Variants in ABCC4 observed in about 807,000 individuals in gnomAD.
The protein encoded by ABCC4 is ATP-binding cassette sub-family C member 4.
ABCC4 carries 102 observed loss-of-function variants against 168.5 expected under a neutral mutation model. That is an observed-to-expected ratio of 0.61 (90% CI 0.52 to 0.71). ABCC4 has a LOEUF of 0.71. ABCC4 is among the 30% of genes least tolerant of loss of function. ABCC4 has a pLI of 0.00. For synonymous variants in ABCC4, 617 were observed against 590.7 expected (o/e 1.04, Z -0.65); for missense variants, 1,402 against 1,605.8 (o/e 0.87, Z 2.17).
chr13:95,058,715 C>A (rs1276541145), intron 26 of ABCC4, among the ~76,000 whole-genome samples: 1 of 152,002 alleles, frequency 6.6e-6, no homozygotes, highest in African/African-American at 2.4e-5. Context: ...GATTCTACTA[C>A]TTATTAGCTG....
intron 19 of ABCC4, among the ~76,000 whole-genome samples, chr13:95,123,424 A>G (rs1323225417): frequency 1.3e-5 from 2 of 152,094 alleles, no homozygotes; most frequent in Non-Finnish European, 2.9e-5. Context: ...GCACACTAGC[A>G]CGATCTCGGC....
intron 14 of ABCC4, among the ~76,000 whole-genome samples, chr13:95,167,557 C>G (rs1286531994): frequency 6.6e-6 from 1 of 152,162 alleles, no homozygotes; most frequent in South Asian, 2.1e-4. Flanking sequence ...ACCTTGGGCC[C>G]TTTGGACCAG....
chr13:95,107,641 T>C (rs928116940), intron 20 of ABCC4, among the ~76,000 whole-genome samples: 3 of 152,176 alleles, frequency 2.0e-5, no homozygotes, highest in Non-Finnish European at 4.4e-5. Context: ...TAGATAAAGA[T>C]ATAGGCTGGG....
At chr13:95,038,430 G>GA (rs1183337266) in intron 29 of ABCC4, among the ~76,000 whole-genome samples, 1 of 145,910 alleles carries the variant, frequency 6.9e-6, no homozygotes, top group Admixed American at 6.8e-5. Context: ...TAGAATGCCA[G>GA]AAAAAAGGCA....
In ABCC4 at chr13:95,071,838, T is replaced by C; in HGVS notation, c.3034A>G (p.Arg1012Gly). Residue 1012 changes from arginine to glycine, a missense_variant, in exon 25 of 31, where the codon AGG (arginine) becomes GGG (glycine). Physicochemically the swap from Arg to Gly is moderately radical, Grantham distance 125 (BLOSUM62 -2). Around this residue, in one of 3 missense-constraint regions of ABCC4, gnomAD observed 1,007 missense variants for 1,127.3 expected, o/e 0.89. Transcript: ENST00000645237. The stretch of plus-strand genomic sequence containing the variant: ...TCAAGGTCTGTGTATTCAATGACCC[T>C]TTCTACTGAGATCATCTGAAAGAAA... ...EVENMMISVE[R>G]VIEYTDLEKE... is the part of the protein sequence containing the mutation. 2 of 1,561,352 alleles carry C rather than the reference T, an allele frequency of 1.3e-6. No homozygotes were observed. Among genetic ancestry groups the C allele is most frequent in the Non-Finnish European group, 1.7e-6 (2 of 1,158,658 alleles).
chr13:95,277,449 C>A (rs556154809), intron 1 of ABCC4, among the ~76,000 whole-genome samples: 1 of 152,052 alleles, frequency 6.6e-6, no homozygotes, highest in Admixed American at 6.5e-5. Flanking sequence ...GGCATGGTGG[C>A]GGGCGCCTGT....
intron 19 of ABCC4, among the ~76,000 whole-genome samples, chr13:95,117,930 GA>G (rs1054742936): frequency 4.0e-5 from 6 of 151,568 alleles, no homozygotes; most frequent in African/African-American, 1.5e-4. Context: ...AAGAAAAGAA[GA>G]AAAAAAGATA....
In ABCC4 at chr13:95,241,741, C is replaced by T. The variant is rs750618247; in HGVS notation, c.306+5234G>A. ...CATTCCTCAACTCTGACAATCGTTCCTAATCTCACTTGCATTACTTTGAAA... is the reference window on the plus strand; with the variant it reads ...CATTCCTCAACTCTGACAATCGTTCTTAATCTCACTTGCATTACTTTGAAA... On this transcript the variant is annotated intron_variant, in intron 3 of 30. Coordinates refer to ENST00000645237, the MANE Select transcript of ABCC4 (RefSeq NM_005845.5). Among the ~76,000 whole-genome samples, 30 of 151,330 alleles carry T rather than the reference C, an allele frequency of 2.0e-4. 1 individual carries two copies. The highest frequency in any genetic ancestry group is 1.2e-4 in the Non-Finnish European group (8 of 67,414).
intron 11 of ABCC4, among the ~76,000 whole-genome samples, chr13:95,180,162 T>C (rs1278858610): frequency 2.6e-5 from 4 of 152,168 alleles, no homozygotes; most frequent in Admixed American, 6.5e-5. Flanking sequence ...TGGCATCAAA[T>C]GAAAGGTAGC....
intron 9 of ABCC4, among the ~76,000 whole-genome samples, chr13:95,189,687 A>ATT (rs958639727): frequency 6.6e-5 from 10 of 152,210 alleles, no homozygotes; most frequent in Non-Finnish European, 1.3e-4. Context: ...ACTTCTACAA[A>ATT]TGGTGGTCAA....
intron 4 of ABCC4, among the ~76,000 whole-genome samples, chr13:95,221,514 C>T (rs2039310085): frequency 6.6e-6 from 1 of 152,090 alleles, no homozygotes; most frequent in Non-Finnish European, 1.5e-5. Context: ...CAGGTGTAAG[C>T]CACCATGCCT....
In ABCC4 at chr13:95,126,003, G is replaced by A. The variant is rs73559643; in HGVS notation, c.2456-10002C>T. The stretch of plus-strand genomic sequence containing the variant: ...CCAATGAATGCCACAGAGTGTTTTC[G>A]CTTGGAAATGCACATGTGTACAGTT... On this transcript the variant is annotated intron_variant, in intron 19 of 30. Transcript: ENST00000645237. Among the ~76,000 whole-genome samples, 941 of 152,226 alleles carry A rather than the reference G, an allele frequency of 6.2e-3. 11 individuals carry two copies. Among genetic ancestry groups the A allele is most frequent in the African/African-American group, 0.021 (871 of 41,532 alleles).
intron 26 of ABCC4, among the ~76,000 whole-genome samples, chr13:95,057,859 A>C (rs2033123416): frequency 6.6e-6 from 1 of 152,228 alleles, no homozygotes; most frequent in South Asian, 2.1e-4. Flanking sequence ...GATTCCCTAC[A>C]TCAGTGTGTG....
chr13:95,040,706 A>G (rs1404170764), intron 29 of ABCC4, among the ~76,000 whole-genome samples: 1 of 152,252 alleles, frequency 6.6e-6, no homozygotes, highest in Non-Finnish European at 1.5e-5. Context: ...TAGAATTTAA[A>G]TAAAACTCAG....
intron 27 of ABCC4, among the ~76,000 whole-genome samples, chr13:95,045,596 AT>A (rs1401387904): frequency 1.3e-5 from 2 of 152,234 alleles, no homozygotes; most frequent in African/African-American, 4.8e-5. Context: ...ATATTAATGT[AT>A]CTTTATAAAA....
chr13:95,267,699 GT>G (rs562503019), intron 1 of ABCC4, among the ~76,000 whole-genome samples: 63 of 152,158 alleles, frequency 4.1e-4, no homozygotes, highest in Non-Finnish European at 7.9e-4. Flanking sequence ...TAGAAGTGTG[GT>G]CCCTGATGGT....
At chr13:95,078,812 C>T (rs900771780) in intron 21 of ABCC4, among the ~76,000 whole-genome samples, 4 of 152,118 alleles carry the variant, frequency 2.6e-5, no homozygotes, top group Admixed American at 2.0e-4. Flanking sequence ...TAGAGAATGC[C>T]ACTGAGAAGG....
chr13:95,059,590 G>A (rs1396148172), intron 26 of ABCC4, among the ~76,000 whole-genome samples: 1 of 152,144 alleles, frequency 6.6e-6, no homozygotes, highest in Non-Finnish European at 1.5e-5. Context: ...CTCACCTTTT[G>A]TTCCTTGTGA....
chr13:95,050,330 A>G (rs2032776639), intron 27 of ABCC4, among the ~76,000 whole-genome samples: 1 of 151,922 alleles, frequency 6.6e-6, no homozygotes, highest in Admixed American at 6.6e-5. Context: ...GTTGTGAAAA[A>G]CTCACAATGC....
Sources: gnomAD v4.1 joint callset for allele counts (sites outside exome capture counted in the v4.1 genomes callset) on GRCh38, gnomAD v4.1.1 for gene constraint, gnomAD v4.1.1 regional missense constraint, MANE v1.5 for transcripts, NCBI Gene and HGNC (gene_info 2026-07-23, HGNC 2026-07-21) for gene names.